The following KANK1 variants were observed in gnomAD, a reference collection of about 807,000 sequenced individuals.
The protein encoded by KANK1 is KN motif and ankyrin repeat domains 1.
In KANK1, 109 loss-of-function variants were observed where a neutral mutation model predicts 106.2. That is an observed-to-expected ratio of 1.03 (90% confidence interval 0.88 to 1.20). The LOEUF is 1.20. Among genes scored for constraint, KANK1 ranks in the 50% most tolerant of loss-of-function variants. The pLI is 0.00. For missense variants in KANK1, 2,399 were observed against 1,710.7 expected (o/e 1.40, Z -7.10); for synonymous variants, 873 against 652.2 (o/e 1.34, Z -5.16).
intron 3 of KANK1, among the ~76,000 whole-genome samples, chr9:718,387 G>A (rs528020508): frequency 7.0e-6 from 1 of 143,806 alleles, no homozygotes; most frequent in Non-Finnish European, 1.5e-5. Context: ...ATCACAGCTT[G>A]CTGTAGCCTG....
chr9:728,289 C>G (rs1831281983), intron 3 of KANK1, among the ~76,000 whole-genome samples: 1 of 131,284 alleles, frequency 7.6e-6, no homozygotes, highest in Non-Finnish European at 1.5e-5. Context: ...ACCTCCACCT[C>G]CGGGTTCGAG....
chr9:657,657 C>G (rs1254967298), intron 1 of KANK1, among the ~76,000 whole-genome samples: 1 of 152,040 alleles, frequency 6.6e-6, no homozygotes, highest in East Asian at 1.9e-4. Flanking sequence ...AATTCAGTCT[C>G]TGGTTACAGC....
intron 1 of KANK1, among the ~76,000 whole-genome samples, chr9:527,991 C>T (rs145546177): frequency 1.0e-3 from 157 of 151,736 alleles, no homozygotes; most frequent in African/African-American, 3.4e-3. Flanking sequence ...ATTAGCCAGG[C>T]GTGGTGGCGG....
chr9:587,708 A>G (rs1494000), intron 1 of KANK1, among the ~76,000 whole-genome samples: 52,109 of 152,116 alleles, frequency 0.34, 11,180 homozygotes, highest in South Asian at 0.56. Flanking sequence ...TTTTATATAT[A>G]TTAATTTATT....
At chr9:534,780 C>G (rs1364169643) in intron 1 of KANK1, among the ~76,000 whole-genome samples, 1 of 152,142 alleles carries the variant, frequency 6.6e-6, no homozygotes, top group Non-Finnish European at 1.5e-5. Flanking sequence ...ATAAAAGCAC[C>G]AACACTAAAA....
intron 1 of KANK1, among the ~76,000 whole-genome samples, chr9:508,920 A>T (rs1438860710): frequency 6.6e-6 from 1 of 152,202 alleles, no homozygotes; most frequent in African/African-American, 2.4e-5. Flanking sequence ...AATTCTATTC[A>T]GAAGTAGAAT....
In KANK1 at chr9:712,670, T is replaced by G; in HGVS notation, c.1904T>G (p.Val635Gly). Reference protein sequence around the residue: ...VRSIGCGDCSVDVTVCSPKEC... With the variant: ...VRSIGCGDCSGDVTVCSPKEC... ...TCTATCGGTTGTGGAGATTGTTCTG[T>G]TGACGTGACCGTCTGCTCTCCAAAG... The change falls in exon 3 of 12, where the codon GTT becomes GGT. Residue 635 changes from valine (V) to glycine (G), a missense_variant. Coordinates refer to ENST00000382297, the MANE Select transcript of KANK1 (RefSeq NM_015158.5). 1.2e-6 allele frequency: 2 copies of G among 1,614,168 alleles called. No individual in the cohort carries two copies. Among genetic ancestry groups the G allele is most frequent in the Non-Finnish European group, 1.7e-6 (2 of 1,180,036 alleles).
chr9:491,662 C>A (rs570747450), intron 3 of KANK1, among the ~76,000 whole-genome samples: 2 of 151,932 alleles, frequency 1.3e-5, no homozygotes, highest in African/African-American at 2.4e-5. Flanking sequence ...TGATTTGGGG[C>A]GAGAAAAGGG....
chr9:725,843 C>A (rs1830508913), intron 3 of KANK1, among the ~76,000 whole-genome samples: 1 of 152,090 alleles, frequency 6.6e-6, no homozygotes, highest in African/African-American at 2.4e-5. Context: ...TGCTTTTCTT[C>A]TAAGAATCTA....
At chr9:721,024 C>A (rs919847143) in intron 3 of KANK1, among the ~76,000 whole-genome samples, 2 of 152,142 alleles carry the variant, frequency 1.3e-5, no homozygotes, top group African/African-American at 4.8e-5. Context: ...ATCCTGGCAG[C>A]ACAATAGAAT....
Position 744,609 on chromosome 9 carries a change from C to CAT in KANK1, c.3996+21_3996+22dup. On this transcript the variant is annotated intron_variant, in intron 11 of 11. Transcript: ENST00000382297. ...TCTCCGGTCAGTGTTGTGCATTTGGCATTTGTAAATAGGCTGAAATCCACC... is the reference window on the plus strand; with the variant it reads ...TCTCCGGTCAGTGTTGTGCATTTGGCATATTTGTAAATAGGCTGAAATCCACC... 4 of 1,614,030 alleles carry CAT rather than the reference C, an allele frequency of 2.5e-6. No individual in the cohort carries two copies. The highest frequency in any genetic ancestry group is 3.4e-6 in the Non-Finnish European group (4 of 1,179,972).
At chr9:722,464 G>A (rs1829604974) in intron 3 of KANK1, among the ~76,000 whole-genome samples, 1 of 152,102 alleles carries the variant, frequency 6.6e-6, no homozygotes, top group African/African-American at 2.4e-5. Flanking sequence ...TGAAACGACT[G>A]AATTTTGTTT....
At chr9:520,518 G>GT (rs1180217860) in intron 1 of KANK1, among the ~76,000 whole-genome samples, 1 of 151,658 alleles carries the variant, frequency 6.6e-6, no homozygotes, top group East Asian at 1.9e-4. Context: ...TATAAGTCAC[G>GT]TGACAATGGG....
intron 2 of KANK1, chr9:680,987 G>A (rs948196725): frequency 2.0e-5 from 3 of 152,602 alleles, no homozygotes; most frequent in Non-Finnish European, 2.9e-5. Context: ...GCCGAGGAGG[G>A]AGGATTGCTT....
At chr9:631,210 T>C (rs1235071505) in intron 1 of KANK1, among the ~76,000 whole-genome samples, 1 of 152,206 alleles carries the variant, frequency 6.6e-6, no homozygotes, top group South Asian at 2.1e-4. Context: ...GAGTTGAAAA[T>C]AGATTAAATA....
intron 1 of KANK1, among the ~76,000 whole-genome samples, chr9:564,643 G>T (rs1336190032): frequency 6.6e-6 from 1 of 152,132 alleles, no homozygotes; most frequent in Non-Finnish European, 1.5e-5. Context: ...TTCTGCCCAT[G>T]CCTACTTTTG....
rs1589268973 is a variant in KANK1 at position 732,256 on chromosome 9, G to A, written c.3006-122G>A. The A allele has an allele frequency of 5.9e-6, 7 of 1,191,230 alleles. No individual in the cohort carries two copies. The South Asian group carries it at 9.1e-5, about 15-fold the overall frequency. 73.8% of individuals were successfully genotyped at this position (1,191,230 alleles called of 1,614,324 possible). On this transcript the variant is annotated intron_variant, in intron 5 of 11. Transcript: ENST00000382297. Reference sequence around the variant, plus strand: ...TAGACCTTACTTTGAACTTCTAAGTGCAGGATCTAAAACCACTAGTGAAAT... The same window carrying A: ...TAGACCTTACTTTGAACTTCTAAGTACAGGATCTAAAACCACTAGTGAAAT...
intron 1 of KANK1, among the ~76,000 whole-genome samples, chr9:570,689 C>G (rs903222): frequency 0.22 from 33,076 of 152,122 alleles, 4,170 homozygotes; most frequent in East Asian, 0.56. Flanking sequence ...TCATCTATAC[C>G]AAGCCTTTGA....
chr9:537,483 A>G (rs1329768204), intron 1 of KANK1, among the ~76,000 whole-genome samples: 2 of 152,142 alleles, frequency 1.3e-5, no homozygotes, highest in Non-Finnish European at 1.5e-5. Context: ...AAGTGTTGCT[A>G]ATGTCTTTGA....
Sources: gnomAD v4.1 joint callset for allele counts (sites outside exome capture counted in the v4.1 genomes callset) on GRCh38, gnomAD v4.1.1 for gene constraint, MANE v1.5 for transcripts, NCBI Gene and HGNC (gene_info 2026-07-23, HGNC 2026-07-21) for gene names.